CNBD1: variants seen among roughly 807,000 people sequenced by gnomAD.
CNBD1 encodes cyclic nucleotide-binding domain-containing protein 1.
In CNBD1, 71 loss-of-function variants were observed where a neutral mutation model predicts 54.4. The observed-to-expected ratio is 1.30, with a 90% confidence interval of 1.08 to 1.59. CNBD1 has a LOEUF of 1.59. Ranked by LOEUF, CNBD1 falls within the 40% of genes most tolerant of loss-of-function variation. The probability of loss-of-function intolerance (pLI) is 0.00; values close to 1 mark genes in which losing one functional copy is unlikely to be tolerated. For missense variants in CNBD1, 659 were observed against 518.0 expected (o/e 1.27, Z -2.64); for synonymous variants, 182 against 170.7 (o/e 1.07, Z -0.51).
At chr8:87,059,400 T>A (rs999004277) in intron 4 of CNBD1, among the ~76,000 whole-genome samples, 4 of 152,192 alleles carry the variant, frequency 2.6e-5, no homozygotes, top group Non-Finnish European at 5.9e-5. Flanking sequence ...GCACCCTACT[T>A]CTGGTACAAA....
At chr8:87,033,011 C>T (rs1227978133) in intron 4 of CNBD1, among the ~76,000 whole-genome samples, 2 of 152,258 alleles carry the variant, frequency 1.3e-5, no homozygotes, top group South Asian at 2.1e-4. Context: ...TCACAGTTTC[C>T]TTGATTGACT....
chr8:87,380,485 G>T (rs1166439703), intron 10 of CNBD1, among the ~76,000 whole-genome samples: 1 of 151,794 alleles, frequency 6.6e-6, no homozygotes. Flanking sequence ...TCTGCAGATT[G>T]ATTTGGTTAT....
At chr8:87,341,335 C>T (rs550363507) in intron 8 of CNBD1, among the ~76,000 whole-genome samples, 2 of 152,202 alleles carry the variant, frequency 1.3e-5, no homozygotes, top group Admixed American at 6.5e-5. Context: ...GTCTGTTCCT[C>T]TGGCAGCTCC....
intron 3 of CNBD1, among the ~76,000 whole-genome samples, chr8:86,933,744 T>C (rs1282440351): frequency 6.6e-6 from 1 of 152,154 alleles, no homozygotes; most frequent in Non-Finnish European, 1.5e-5. Flanking sequence ...TAACTTGCAA[T>C]ATATTATGAA....
intron 4 of CNBD1, among the ~76,000 whole-genome samples, chr8:87,127,974 G>A (rs1216675765): frequency 4.6e-5 from 7 of 152,106 alleles, no homozygotes; most frequent in Non-Finnish European, 1.0e-4. Flanking sequence ...GCTCCACGAG[G>A]AGACAAACAG....
chr8:87,190,957 A>G (rs1409459332), intron 4 of CNBD1, among the ~76,000 whole-genome samples: 1 of 114,258 alleles, frequency 8.8e-6, no homozygotes, highest in African/African-American at 3.3e-5. Context: ...ATATATGTGT[A>G]TCTGTATGAA....
At chr8:86,985,387 C>T (rs1330484030) in intron 4 of CNBD1, among the ~76,000 whole-genome samples, 1 of 152,174 alleles carries the variant, frequency 6.6e-6, no homozygotes, top group Non-Finnish European at 1.5e-5. Flanking sequence ...CCCATGGTGC[C>T]TTCCCTTCCT....
intron 2 of CNBD1, among the ~76,000 whole-genome samples, chr8:87,425,368 GC>G (rs1418324056): frequency 2.0e-5 from 3 of 152,206 alleles, no homozygotes; most frequent in Non-Finnish European, 4.4e-5. Flanking sequence ...GTGAGGAGCT[GC>G]GTTCCTTTGG....
intron 8 of CNBD1, among the ~76,000 whole-genome samples, chr8:87,291,509 TC>T (rs1288922529): frequency 2.6e-5 from 4 of 152,168 alleles, no homozygotes; most frequent in Admixed American, 2.0e-4. Context: ...GCCTCCTTCT[TC>T]TTTTTAATGC....
chr8:87,390,935 T>A (rs1447103502), intron 2 of CNBD1, among the ~76,000 whole-genome samples: 1 of 152,114 alleles, frequency 6.6e-6, no homozygotes, highest in East Asian at 1.9e-4. Context: ...GTTCATATCC[T>A]TTGTAGGGAG....
Position 86,902,501 on chromosome 8 carries a change from C to G in CNBD1, c.159-2580C>G, listed in dbSNP as rs186274822. On this transcript the variant is annotated intron_variant, in intron 2 of 10. Transcript: ENST00000518476. ...TGCTCTTTTCAGCTTACCACAGTTC[C>G]CACCTTATGACACTTGCTTGGACAC... Among the ~76,000 whole-genome samples the G allele has an allele frequency of 5.9e-5, 9 of 152,154 alleles. No individual in the cohort carries two copies. The East Asian group carries it at 1.7e-3, about 29-fold the overall frequency.
Position 87,284,930 on chromosome 8 carries a change from C to A in CNBD1, c.909+115C>A, listed in dbSNP as rs1041241262. 4 of 736,614 alleles carry A rather than the reference C, an allele frequency of 5.4e-6. No homozygotes were observed. In the African/African-American group the frequency reaches 7.2e-5, roughly 13 times the overall value. The allele number at this position is 736,614 out of a possible 1,614,324, so 45.6% of individuals were successfully genotyped here. ...GTTTTATTTTTAAATTTTAATTTAA[C>A]CTAGAGACCATAAAAATGTTATTTG... On this transcript the variant is annotated intron_variant, in intron 7 of 10. Coordinates refer to ENST00000518476, the MANE Select transcript of CNBD1 (RefSeq NM_173538.3).
intron 1 of CNBD1, among the ~76,000 whole-genome samples, chr8:86,886,083 A>T (rs1808676796): frequency 6.6e-6 from 1 of 151,918 alleles, no homozygotes; most frequent in African/African-American, 2.4e-5. Flanking sequence ...CCTTTTTCCA[A>T]ATCTCTGTGG....
At chr8:87,144,727 A>G (rs1041786687) in intron 4 of CNBD1, among the ~76,000 whole-genome samples, 2 of 151,664 alleles carry the variant, frequency 1.3e-5, no homozygotes, top group African/African-American at 4.8e-5. Flanking sequence ...AGGCTGAGGA[A>G]GGAGAATGGC....
chr8:86,928,864 G>A (rs1362411037), intron 3 of CNBD1, among the ~76,000 whole-genome samples: 1 of 152,150 alleles, frequency 6.6e-6, no homozygotes, highest in Non-Finnish European at 1.5e-5. Context: ...ATACCCATAT[G>A]AAAAGTTTGG....
At chr8:86,896,709 A>G (rs535495735) in intron 2 of CNBD1, among the ~76,000 whole-genome samples, 1 of 152,154 alleles carries the variant, frequency 6.6e-6, no homozygotes, top group Non-Finnish European at 1.5e-5. Context: ...AAAATTAAAA[A>G]CTCAAGACCA....
chr8:86,908,569 A>G (rs1420270307), intron 3 of CNBD1, among the ~76,000 whole-genome samples: 1 of 152,198 alleles, frequency 6.6e-6, no homozygotes, highest in African/African-American at 2.4e-5. Context: ...CATTATTATC[A>G]TGCACTATAA....
At chr8:87,124,245 G>A (rs970121851) in intron 4 of CNBD1, among the ~76,000 whole-genome samples, 3 of 151,612 alleles carry the variant, frequency 2.0e-5, no homozygotes, top group Admixed American at 6.6e-5. Flanking sequence ...TTTGAGAATT[G>A]AACTCAAACA....
At chr8:87,404,788 T>C (rs1170734529) in intron 2 of CNBD1, among the ~76,000 whole-genome samples, 1 of 152,118 alleles carries the variant, frequency 6.6e-6, no homozygotes, top group Non-Finnish European at 1.5e-5. Flanking sequence ...ATCCAGATCT[T>C]CTGCTACTAG....
Sources: allele counts gnomAD v4.1 joint callset (sites outside exome capture counted in the v4.1 genomes callset), GRCh38; gene constraint gnomAD v4.1.1; transcripts MANE v1.5; gene names NCBI Gene and HGNC (gene_info 2026-07-23, HGNC 2026-07-21).